CIDEA: variants seen among roughly 807,000 people sequenced by gnomAD.
CIDEA encodes lipid transferase CIDEA.
In CIDEA, 10 loss-of-function variants were observed where a neutral mutation model predicts 18.2. That is an observed-to-expected ratio of 0.55 (90% CI 0.34 to 0.93). The LOEUF is 0.93. Ranked by LOEUF, CIDEA falls within the 40% of genes least tolerant of loss-of-function variation. CIDEA has a pLI of 0.02. For synonymous variants in CIDEA, 128 were observed against 124.8 expected (o/e 1.03, Z -0.17); for missense variants, 309 against 293.1 (o/e 1.05, Z -0.40).
chr18:12,275,762 C>A (rs548989859), intron 4 of CIDEA, among the ~76,000 whole-genome samples: 1 of 152,264 alleles, frequency 6.6e-6, no homozygotes, highest in South Asian at 2.1e-4. Flanking sequence ...CCATTCAGAG[C>A]CATCAGTGGC....
chr18:12,270,143 C>T (rs11080562), intron 3 of CIDEA, among the ~76,000 whole-genome samples: 27,815 of 151,924 alleles, frequency 0.18, 2,791 homozygotes, highest in Non-Finnish European at 0.22. Flanking sequence ...TACACATGTG[C>T]TAAAAATAGA....
At chr18:12,265,912 G>T (rs577478890) in intron 3 of CIDEA, among the ~76,000 whole-genome samples, 1 of 152,220 alleles carries the variant, frequency 6.6e-6, no homozygotes, top group African/African-American at 2.4e-5. Flanking sequence ...TATAAAATTA[G>T]TGTACTAAAA....
intron 3 of CIDEA, among the ~76,000 whole-genome samples, chr18:12,270,067 A>C (rs1912469764): frequency 6.6e-6 from 1 of 152,146 alleles, no homozygotes; most frequent in East Asian, 1.9e-4. Context: ...CACTTTGATA[A>C]ACTCCACATC....
rs144505898 is a variant in CIDEA at position 12,264,328 on chromosome 18, G to A, written c.205G>A (p.Ala69Thr). 93 of 1,608,242 alleles carry A rather than the reference G, an allele frequency of 5.8e-5. No homozygotes were observed. Among genetic ancestry groups the A allele is most frequent in the Non-Finnish European group, 7.0e-5 (83 of 1,177,872 alleles). The change falls in exon 3 of 5, where the codon GCT becomes ACT. Residue 69 changes from alanine (A) to threonine (T), a missense_variant. Coordinates refer to ENST00000320477, the MANE Select transcript of CIDEA (RefSeq NM_001279.4). ...ISKTLDALVIATGLVTLVLEE... is the reference protein window; with the variant it reads ...ISKTLDALVITTGLVTLVLEE... ...CTAGACTCTGGATGCCCTCGTCATCGCTACCGGACTGGTCACTCTGGTGCT... is the reference window on the plus strand; with the variant it reads ...CTAGACTCTGGATGCCCTCGTCATCACTACCGGACTGGTCACTCTGGTGCT...
In CIDEA at chr18:12,264,414, G is replaced by C; in HGVS notation, c.291G>C (p.Thr97=). 6.2e-7 allele frequency: 1 copy of C among 1,613,976 alleles called. No individual in the cohort carries two copies. Among genetic ancestry groups the C allele is most frequent in the Non-Finnish European group, 8.5e-7 (1 of 1,179,914 alleles). Reference sequence around the variant, plus strand: ...TCTTTCAGACCTTGGGAGACAACACGCATTTCATGATCTTGGAAAAAGGAC... The same window carrying C: ...TCTTTCAGACCTTGGGAGACAACACCCATTTCATGATCTTGGAAAAAGGAC... The part of the protein sequence containing the change: ...EEFFQTLGDN[T]HFMILEKGQK... The change falls in exon 3 of 5, where the codon ACG becomes ACC. Residue 97 remains threonine (T), a synonymous_variant. Coordinates refer to ENST00000320477, the MANE Select transcript of CIDEA (RefSeq NM_001279.4).
At position 12,262,897 on chromosome 18, in the gene CIDEA, C is replaced by T. The variant is rs374372121; in HGVS notation, c.111C>T (p.Phe37=). 6 of 1,614,078 alleles carry T rather than the reference C, an allele frequency of 3.7e-6. No homozygotes were observed. The highest frequency in any genetic ancestry group is 4.2e-6 in the Non-Finnish European group (5 of 1,180,040). The part of the protein sequence containing the change: ...FTPLMHPARP[F]RVSNHDRSSR... ...CGCTCATGCATCCAGCTCGCCCTTTCCGGGTCTCCAACCATGACAGGAGCA... is the reference window on the plus strand; with the variant it reads ...CGCTCATGCATCCAGCTCGCCCTTTTCGGGTCTCCAACCATGACAGGAGCA... Residue 37 remains phenylalanine, a synonymous_variant, in exon 2 of 5, where the codon TTC becomes TTT. Transcript: ENST00000320477.
intron 1 of CIDEA, among the ~76,000 whole-genome samples, chr18:12,261,356 G>A (rs954533295): frequency 1.3e-5 from 2 of 152,108 alleles, no homozygotes; most frequent in Non-Finnish European, 1.5e-5. Context: ...GCAACAGAGC[G>A]AGACTCCATC....
chr18:12,256,428 A>G (rs1214519009), intron 1 of CIDEA, among the ~76,000 whole-genome samples: 1 of 152,224 alleles, frequency 6.6e-6, no homozygotes, highest in East Asian at 1.9e-4. Context: ...TAACCCAGGC[A>G]TTTGTTAGTC....
intron 1 of CIDEA, among the ~76,000 whole-genome samples, chr18:12,261,351 A>G (rs1912185135): frequency 6.6e-6 from 1 of 152,172 alleles, no homozygotes; most frequent in African/African-American, 2.4e-5. Flanking sequence ...TCTGGGCAAC[A>G]GAGCGAGACT....
chr18:12,264,382 G>A lies in CIDEA; in HGVS notation c.259G>A (p.Glu87Lys). 6.2e-7 allele frequency: 1 copy of A among 1,614,114 alleles called. No homozygotes were observed. The highest frequency in any genetic ancestry group is 8.5e-7 in the Non-Finnish European group (1 of 1,179,960). The change falls in exon 3 of 5, where the codon GAA becomes AAA. Residue 87 changes from glutamate (E) to lysine (K), a missense_variant. By Grantham distance (56) the Glu-to-Lys change is moderately conservative. Transcript: ENST00000320477. ...GGAAGATGGCACCGTGGTGGACACA[G>A]AAGAGTTCTTTCAGACCTTGGGAGA... ...LEEDGTVVDT[E>K]EFFQTLGDNT...
chr18:12,262,527 A>G (rs1912221851), intron 1 of CIDEA, among the ~76,000 whole-genome samples: 1 of 152,234 alleles, frequency 6.6e-6, no homozygotes, highest in Non-Finnish European at 1.5e-5. Flanking sequence ...TGCAGAATAT[A>G]ATTCTTATTT....
At position 12,275,995 on chromosome 18, in the gene CIDEA, T is replaced by TTC. The variant is rs1568107481; in HGVS notation, c.513-1128_513-1127insTC. On this transcript the variant is annotated intron_variant, in intron 4 of 4. Coordinates refer to ENST00000320477, the MANE Select transcript of CIDEA (RefSeq NM_001279.4). The stretch of plus-strand genomic sequence containing the variant: ...GAAATCTTTTTTCTTTTTCTTTTCT[T>TTC]ATTTTTTTTCTTTTTTGAGACGGAA... Among the ~76,000 whole-genome samples the TTC allele has an allele frequency of 1.8e-4, 24 of 131,514 alleles. 1 individual carries two copies. Among genetic ancestry groups the TTC allele is most frequent in the African/African-American group, 3.5e-4 (13 of 37,288 alleles). The allele number at this position is 131,514 out of a possible 152,430, so 86.3% of individuals were successfully genotyped here. A position where few individuals can be genotyped will look rare whatever the true frequency, so the allele number is the denominator to read the frequency against.
At chr18:12,254,753 C>G (rs1487610426) in intron 1 of CIDEA, 1 of 1,416,002 alleles carries the variant, frequency 7.1e-7, no homozygotes, top group Non-Finnish European at 9.4e-7. Context: ...CATCTCTGGC[C>G]GCTGCTGCAG....
intron 1 of CIDEA, among the ~76,000 whole-genome samples, chr18:12,262,051 C>G (rs1270267379): frequency 6.6e-6 from 1 of 151,902 alleles, no homozygotes; most frequent in Non-Finnish European, 1.5e-5. Flanking sequence ...CCTATAGTCC[C>G]AGCTACTCAG....
intron 4 of CIDEA, among the ~76,000 whole-genome samples, chr18:12,276,045 G>A (rs1905323339): frequency 6.9e-6 from 1 of 144,854 alleles, no homozygotes; most frequent in Non-Finnish European, 1.5e-5. Context: ...CCAGGCTGGA[G>A]GGCAGGGGCA....
intron 4 of CIDEA, 82 bp from the exon 5 acceptor site, chr18:12,277,041 G>C (rs987527604): frequency 1.8e-5 from 27 of 1,499,538 alleles, no homozygotes; most frequent in Non-Finnish European, 2.0e-5. Context: ...TTTTGGTGGG[G>C]GGAGTGAAGT....
Position 12,276,995 on chromosome 18 carries a change from A to G in CIDEA, c.513-128A>G, listed in dbSNP as rs1010021111. ...CGTGCACTCTGAGAGTCAGACAGCCATGCTCTAAATGTCAGCCTGGCCTCC... is the reference window on the plus strand; with the variant it reads ...CGTGCACTCTGAGAGTCAGACAGCCGTGCTCTAAATGTCAGCCTGGCCTCC... On this transcript the variant is annotated intron_variant, in intron 4 of 4. Coordinates refer to ENST00000320477, the MANE Select transcript of CIDEA (RefSeq NM_001279.4). 120 of 1,003,762 alleles carry G rather than the reference A, an allele frequency of 1.2e-4. No individual in the cohort carries two copies. In the African/African-American group the frequency reaches 1.8e-3, roughly 15 times the overall value. The allele number at this position is 1,003,762 out of a possible 1,614,324, so 62.2% of individuals were successfully genotyped here. A position where few individuals can be genotyped will look rare whatever the true frequency, so the allele number is the denominator to read the frequency against.
At position 12,273,977 on chromosome 18, in the gene CIDEA, C is replaced by T. The variant is rs556560931; in HGVS notation, c.331-116C>T. The T allele has an allele frequency of 3.7e-5, 41 of 1,094,492 alleles. No individual in the cohort carries two copies. The African/African-American group carries it at 4.8e-4, about 13-fold the overall frequency. The allele number at this position is 1,094,492 out of a possible 1,614,324, so 67.8% of individuals were successfully genotyped here. On this transcript the variant is annotated intron_variant, in intron 3 of 4. Transcript: ENST00000320477. Reference sequence around the variant, plus strand: ...TCTCTCTATCGATTAGCCACGGAGCCGCTCACAGACCTTAAACAGACACAT... The same window carrying T: ...TCTCTCTATCGATTAGCCACGGAGCTGCTCACAGACCTTAAACAGACACAT...
chr18:12,257,081 A>G (rs1429690243), intron 1 of CIDEA, among the ~76,000 whole-genome samples: 1 of 152,050 alleles, frequency 6.6e-6, no homozygotes, highest in African/African-American at 2.4e-5. Context: ...CACTGTCTCT[A>G]CAGCTCAGGG....
Sources: allele counts gnomAD v4.1 joint callset (sites outside exome capture counted in the v4.1 genomes callset), GRCh38; gene constraint gnomAD v4.1.1; transcripts MANE v1.5; gene names NCBI Gene and HGNC (gene_info 2026-07-23, HGNC 2026-07-21).